The following CHN2 variants were observed in gnomAD, a reference collection of about 807,000 sequenced individuals.
The protein encoded by CHN2 is beta-chimaerin.
A neutral mutation model predicts 56.3 loss-of-function variants in CHN2; 35 were observed. The observed-to-expected ratio is 0.62, with a 90% CI of 0.47 to 0.82. The LOEUF (loss-of-function observed/expected upper bound fraction) is 0.82. Among genes scored for constraint, CHN2 ranks in the 40% least tolerant of loss-of-function variants. CHN2 has a pLI of 0.00. For missense variants in CHN2, 491 were observed against 580.5 expected (o/e 0.85, Z 1.58); for synonymous variants, 210 against 212.8 (o/e 0.99, Z 0.12).
At chr7:29,467,120 C>A (rs576360366) in intron 6 of CHN2, among the ~76,000 whole-genome samples, 3 of 152,150 alleles carry the variant, frequency 2.0e-5, no homozygotes, top group Non-Finnish European at 4.4e-5. Flanking sequence ...ATGTACGTAG[C>A]TATTTCCTGA....
At chr7:29,465,475 C>G (rs1482940699) in intron 6 of CHN2, among the ~76,000 whole-genome samples, 1 of 152,124 alleles carries the variant, frequency 6.6e-6, no homozygotes, top group African/African-American at 2.4e-5. Flanking sequence ...ACTTTTCATC[C>G]TCTGAGGAAC....
chr7:29,484,009 A>G (rs916976247), intron 7 of CHN2: 40 of 616,890 alleles, frequency 6.5e-5, no homozygotes, highest in Non-Finnish European at 9.4e-5. Context: ...ATCTATTATT[A>G]TCTTTTTGTG....
intron 7 of CHN2, among the ~76,000 whole-genome samples, chr7:29,492,273 TTTG>T (rs1196669725): frequency 6.6e-5 from 10 of 152,344 alleles, no homozygotes; most frequent in South Asian, 4.1e-4. Context: ...TGTTTTGGTT[TTTG>T]TTGTTGTTGT....
At chr7:29,502,980 A>T (rs1790140962) in intron 9 of CHN2, among the ~76,000 whole-genome samples, 1 of 151,992 alleles carries the variant, frequency 6.6e-6, no homozygotes, top group South Asian at 2.1e-4. Context: ...ACTCCCACTT[A>T]TGAGTGAGAA....
intron 2 of CHN2, among the ~76,000 whole-genome samples, chr7:29,148,018 G>T (rs1040849766): frequency 4.6e-5 from 7 of 152,150 alleles, no homozygotes; most frequent in African/African-American, 1.7e-4. Flanking sequence ...GTGGAAGCTC[G>T]GTCAAGCTTC....
chr7:29,213,492 A>G (rs1785114555), intron 1 of CHN2, among the ~76,000 whole-genome samples: 1 of 152,202 alleles, frequency 6.6e-6, no homozygotes, highest in Admixed American at 6.5e-5. Context: ...CTGGCTATAG[A>G]TAAGTAGATC....
At chr7:29,350,829 G>T (rs554180640) in intron 1 of CHN2, among the ~76,000 whole-genome samples, 14 of 152,180 alleles carry the variant, frequency 9.2e-5, no homozygotes, top group Non-Finnish European at 1.9e-4. Flanking sequence ...CCACAATGCG[G>T]CCGGGCGAGG....
intron 6 of CHN2, among the ~76,000 whole-genome samples, chr7:29,453,856 G>T (rs1247743638): frequency 2.6e-5 from 4 of 152,164 alleles, no homozygotes; most frequent in African/African-American, 9.7e-5. Flanking sequence ...GATTCCTCTA[G>T]TCAGCTTTGT....
At position 29,194,936 on chromosome 7, in the gene CHN2, G is replaced by C. The variant is rs368239468; in HGVS notation, c.-6G>C. On this transcript the variant is annotated 5_prime_UTR_variant, in exon 1 of 13. Coordinates refer to ENST00000222792, the MANE Select transcript of CHN2 (RefSeq NM_004067.4). ...GAGCGAGCAGCGACGCGAGGGGCGCGCGGAGATGGCAGCGTCCAGCAACTC... is the reference window on the plus strand; with the variant it reads ...GAGCGAGCAGCGACGCGAGGGGCGCCCGGAGATGGCAGCGTCCAGCAACTC... 1.3e-6 allele frequency: 2 copies of C among 1,566,912 alleles called. No homozygotes were observed. The highest frequency in any genetic ancestry group is 1.8e-5 in the Admixed American group (1 of 54,350).
intron 6 of CHN2, among the ~76,000 whole-genome samples, chr7:29,456,903 T>C (rs1208811039): frequency 6.6e-6 from 1 of 152,078 alleles, no homozygotes; most frequent in Non-Finnish European, 1.5e-5. Flanking sequence ...AGCTGGAAGA[T>C]CCTGGGGATA....
At chr7:29,505,977 A>G (rs1287500196) in intron 10 of CHN2, among the ~76,000 whole-genome samples, 2 of 152,120 alleles carry the variant, frequency 1.3e-5, no homozygotes, top group African/African-American at 4.8e-5. Flanking sequence ...AGCTTTTTTC[A>G]TCTTCAGAAC....
intron 3 of CHN2, among the ~76,000 whole-genome samples, chr7:29,378,178 C>T (rs2128054003): frequency 6.6e-6 from 1 of 152,326 alleles, no homozygotes; most frequent in Middle Eastern, 3.4e-3. Flanking sequence ...TCATTAGTCT[C>T]AGTTGCTTAA....
chr7:29,386,998 G>A (rs536712234), intron 3 of CHN2, among the ~76,000 whole-genome samples: 45 of 152,348 alleles, frequency 3.0e-4, no homozygotes, highest in African/African-American at 1.1e-3. Flanking sequence ...GAGAAGGAGT[G>A]AAGCACAGTA....
chr7:29,154,391 C>T (rs1192313614), intron 2 of CHN2, among the ~76,000 whole-genome samples: 2 of 152,204 alleles, frequency 1.3e-5, no homozygotes, highest in African/African-American at 2.4e-5. Context: ...TTCTCTTTGC[C>T]TCCCTTCACC....
intron 1 of CHN2, among the ~76,000 whole-genome samples, chr7:29,340,202 GTAT>G (rs1796934926): frequency 6.6e-6 from 1 of 152,130 alleles, no homozygotes; most frequent in Non-Finnish European, 1.5e-5. Context: ...CTAAATTTGT[GTAT>G]TATTTTAAGC....
In CHN2 at chr7:29,166,321, C is replaced by T. The variant is rs566429158; in HGVS notation, c.274+19361C>T. On this transcript the variant is annotated intron_variant, in intron 2 of 6. Transcript: ENST00000439384. ...CTGGGATTAGAGGCATGAGCCACTG[C>T]GCCCAACATGGATAGCAAAGTGTTT... 2.5e-3 allele frequency among the ~76,000 whole-genome samples: 381 copies of T among 152,264 alleles called. 3 individuals carry two copies. Among genetic ancestry groups the T allele is most frequent in the African/African-American group, 8.9e-3 (368 of 41,540 alleles).
intron 6 of CHN2, among the ~76,000 whole-genome samples, chr7:29,471,420 G>T (rs1786020787): frequency 1.3e-5 from 2 of 152,170 alleles, no homozygotes; most frequent in Non-Finnish European, 2.9e-5. Flanking sequence ...CAGAACAGCT[G>T]GTGGTATCAT....
At chr7:29,333,213 G>A (rs1796359162) in intron 1 of CHN2, among the ~76,000 whole-genome samples, 1 of 152,142 alleles carries the variant, frequency 6.6e-6, no homozygotes, top group Non-Finnish European at 1.5e-5. Context: ...AATGGGAACA[G>A]GGGAGGCACA....
At chr7:29,242,538 A>T (rs535138518) in intron 1 of CHN2, among the ~76,000 whole-genome samples, 146 of 147,456 alleles carry the variant, frequency 9.9e-4, no homozygotes, top group Non-Finnish European at 1.3e-3. Context: ...TTTTTTACGC[A>T]TTTTTTTTTT....
Sources: gnomAD v4.1 joint callset for allele counts (sites outside exome capture counted in the v4.1 genomes callset) on GRCh38, gnomAD v4.1.1 for gene constraint, MANE v1.5 for transcripts, NCBI Gene and HGNC (gene_info 2026-07-23, HGNC 2026-07-21) for gene names.